RAD54B: variants seen among roughly 807,000 people sequenced by gnomAD.
RAD54B encodes the protein RAD54 homolog B.
RAD54B carries 78 observed loss-of-function variants against 95.8 expected under a neutral mutation model. That is an observed-to-expected ratio of 0.81 (90% CI 0.68 to 0.98). The LOEUF is 0.98. Among genes scored for constraint, RAD54B ranks in the 50% least tolerant of loss-of-function variants. The pLI is 0.00. For missense variants in RAD54B, 957 were observed against 1,056.6 expected (o/e 0.91, Z 1.31); for synonymous variants, 328 against 354.9 (o/e 0.92, Z 0.85).
intron 2 of RAD54B, among the ~76,000 whole-genome samples, chr8:94,466,402 T>A (rs1368382534): frequency 6.6e-6 from 1 of 151,882 alleles, no homozygotes; most frequent in Admixed American, 6.6e-5. Flanking sequence ...CTGCTTCCAG[T>A]ATTCACTTTT....
chr8:94,375,337 C>G (rs980390647), intron 14 of RAD54B, among the ~76,000 whole-genome samples: 6 of 152,154 alleles, frequency 3.9e-5, no homozygotes, highest in African/African-American at 9.7e-5. Context: ...GTGGGAAGGA[C>G]CCGGTGGGAG....
At position 94,380,376 on chromosome 8, in the gene RAD54B, G is replaced by A. The variant is rs1354152948; in HGVS notation, c.2016C>T (p.Thr672=). 3 of 1,613,174 alleles carry A rather than the reference G, an allele frequency of 1.9e-6. No individual in the cohort carries two copies. The highest frequency in any genetic ancestry group is 1.3e-5 in the African/African-American group (1 of 74,886). ...KVVLVSNYTQ[T]LNILQEVCKR... ...TACATACTTCTTGTAAAATGTTCAA[G>A]GTTTGTGTATAGTTGGATACCAACA... is the stretch of plus-strand genomic sequence containing the variant. Residue 672 remains threonine, a synonymous_variant, in exon 12 of 15, where the codon ACC becomes ACT. Transcript: ENST00000336148.
intron 3 of RAD54B, chr8:94,431,932 A>C (rs1417074240): frequency 8.0e-7 from 1 of 1,252,360 alleles, no homozygotes; most frequent in African/African-American, 1.6e-5. Flanking sequence ...AGAAGACAAT[A>C]AAAACTATAA....
At chr8:94,427,252 T>G (rs1811965579) in intron 3 of RAD54B, among the ~76,000 whole-genome samples, 1 of 152,060 alleles carries the variant, frequency 6.6e-6, no homozygotes, top group South Asian at 2.1e-4. Context: ...TTTATTTTTA[T>G]TTACTCATTT....
At chr8:94,422,467 G>A (rs1421855170) in intron 3 of RAD54B, among the ~76,000 whole-genome samples, 1 of 149,918 alleles carries the variant, frequency 6.7e-6, no homozygotes, top group Admixed American at 6.7e-5. Flanking sequence ...CACGCCTGTA[G>A]TGCCGGCTAC....
chr8:94,416,797 T>G (rs1037538515), intron 3 of RAD54B, among the ~76,000 whole-genome samples: 3 of 152,118 alleles, frequency 2.0e-5, no homozygotes, highest in Non-Finnish European at 4.4e-5. Flanking sequence ...TATAAAATGG[T>G]GCAGCACTTT....
chr8:94,432,259 G>T (rs1292292498), intron 3 of RAD54B: 7 of 1,550,080 alleles, frequency 4.5e-6, no homozygotes, highest in Non-Finnish European at 6.1e-6. Context: ...CTCTTCTCCT[G>T]AACATACAAT....
At chr8:94,407,298 CTCTTA>C (rs1811414251) in intron 5 of RAD54B, 136 bp downstream of exon 5, 17 of 782,716 alleles carry the variant, frequency 2.2e-5, no homozygotes, top group Non-Finnish European at 3.2e-5. Flanking sequence ...TCAACATTAT[CTCTTA>C]TGTCAGATTA....
At chr8:94,384,801 A>T (rs531193906) in intron 11 of RAD54B, among the ~76,000 whole-genome samples, 16 of 152,294 alleles carry the variant, frequency 1.1e-4, no homozygotes, top group Admixed American at 9.2e-4. Context: ...GGCAGGGTTT[A>T]GGTTTCTTAA....
At chr8:94,372,713 G>A (rs1334787918) in intron 14 of RAD54B, among the ~76,000 whole-genome samples, 1 of 152,072 alleles carries the variant, frequency 6.6e-6, no homozygotes, top group Non-Finnish European at 1.5e-5. Context: ...AAAACCTGTG[G>A]GGCCACGTTT....
intron 3 of RAD54B, among the ~76,000 whole-genome samples, chr8:94,457,465 G>C (rs2043987): frequency 0.42 from 63,146 of 151,994 alleles, 13,349 homozygotes; most frequent in Admixed American, 0.51. Context: ...CTTTCTGTCC[G>C]GACAAGATAC....
At chr8:94,375,347 G>T (rs2129939838) in intron 14 of RAD54B, among the ~76,000 whole-genome samples, 1 of 152,324 alleles carries the variant, frequency 6.6e-6, no homozygotes, top group African/African-American at 2.4e-5. Flanking sequence ...CCCGGTGGGA[G>T]ATGATTGAAT....
intron 1 of RAD54B, among the ~76,000 whole-genome samples, chr8:94,474,584 C>CGA (rs200572701): frequency 0.032 from 4,805 of 152,164 alleles, 120 homozygotes; most frequent in Non-Finnish European, 0.048. Flanking sequence ...GGTAAAAGCC[C>CGA]CTAAAGAAGG....
chr8:94,414,369 T>C (rs1811602718), intron 3 of RAD54B, among the ~76,000 whole-genome samples: 3 of 152,180 alleles, frequency 2.0e-5, no homozygotes, highest in Admixed American at 2.0e-4. Flanking sequence ...CTATGTTGAA[T>C]AGGAGTGGTG....
intron 1 of RAD54B, among the ~76,000 whole-genome samples, chr8:94,469,044 G>A: frequency 6.7e-6 from 1 of 149,158 alleles, no homozygotes; most frequent in East Asian, 1.9e-4. Flanking sequence ...TGTAATCCCA[G>A]CACTTTGGGA....
intron 3 of RAD54B, among the ~76,000 whole-genome samples, chr8:94,414,134 C>A (rs972365032): frequency 6.6e-6 from 1 of 152,062 alleles, no homozygotes; most frequent in Non-Finnish European, 1.5e-5. Flanking sequence ...CTGCACCCAG[C>A]CTAAGAATTC....
Position 94,403,843 on chromosome 8 carries a change from G to C in RAD54B, c.944+234C>G, listed in dbSNP as rs79653864. On this transcript the variant is annotated intron_variant, in intron 6 of 14. Coordinates refer to ENST00000336148, the MANE Select transcript of RAD54B (RefSeq NM_012415.3). ...TAAAAGCCACTTAAAAGTAAGGACC[G>C]TGGTCCTGATTCCCATATGCCCACC... 7.5e-3 allele frequency among the ~76,000 whole-genome samples: 1,129 copies of C among 150,604 alleles called. 13 individuals are homozygous for C. Among genetic ancestry groups the C allele is most frequent in the African/African-American group, 0.026 (1,055 of 41,198 alleles).
intron 3 of RAD54B, chr8:94,431,912 G>GAA (rs150872253): frequency 2.8e-5 from 31 of 1,096,436 alleles, no homozygotes; most frequent in Middle Eastern, 3.6e-4. Flanking sequence ...TAAACTTAGG[G>GAA]AAAAAAAAAA....
chr8:94,420,739 C>CT (rs1811786503), intron 3 of RAD54B, among the ~76,000 whole-genome samples: 1 of 151,942 alleles, frequency 6.6e-6, no homozygotes, highest in African/African-American at 2.4e-5. Flanking sequence ...AATCCCAGCA[C>CT]TTTGGGAGGC....
Sources: allele counts gnomAD v4.1 joint callset (sites outside exome capture counted in the v4.1 genomes callset), GRCh38; gene constraint gnomAD v4.1.1; transcripts MANE v1.5; gene names NCBI Gene and HGNC (gene_info 2026-07-23, HGNC 2026-07-21).